The following NOTCH2NLR variants were observed in gnomAD, a reference collection of about 807,000 sequenced individuals.
NOTCH2NLR encodes the protein notch 2 N-terminal like R.
Under a neutral mutation model 35.6 loss-of-function variants are expected in NOTCH2NLR, and 33 were observed. The ratio of observed to expected loss-of-function variants is 0.93; its 90% confidence interval spans 0.70 to 1.24. The LOEUF is 1.24. Ranked by LOEUF, NOTCH2NLR falls within the 50% of genes most tolerant of loss-of-function variation. NOTCH2NLR has a pLI of 0.00. For synonymous variants in NOTCH2NLR, 103 were observed against 141.0 expected, an observed-to-expected ratio of 0.73 and a Z score of 1.91; for missense variants, 276 against 362.2, an observed-to-expected ratio of 0.76 and a Z score of 1.93.
At position 120,770,231 on chromosome 1, in the gene NOTCH2NLR, G is replaced by A. The variant is rs1452639344; in HGVS notation, c.155+6522G>A. Among the ~76,000 whole-genome samples, 17 of 102,402 alleles carry A rather than the reference G, an allele frequency of 1.7e-4. 3 individuals are homozygous for A. The highest frequency in any genetic ancestry group is 2.9e-4 in the South Asian group (1 of 3,440). 67.2% of individuals were successfully genotyped at this position (102,402 alleles called of 152,430 possible). Reference sequence around the variant, plus strand: ...GTGGCCCAGGCTGGAGTGCAGTGGCGCTTTCTTGGCTCACTGCAAGCTCCG... The same window carrying A: ...GTGGCCCAGGCTGGAGTGCAGTGGCACTTTCTTGGCTCACTGCAAGCTCCG... On this transcript the variant is annotated intron_variant, in intron 2 of 4. Coordinates refer to ENST00000624419, the Ensembl canonical transcript of NOTCH2NLR.
At chr1:120,763,584 T>C in intron 1 of NOTCH2NLR, 44 bp from the exon 2 acceptor site, 2 of 844,908 alleles carry the variant, frequency 2.4e-6, no homozygotes, top group Non-Finnish European at 3.6e-6. Context: ...CTGAGGGTTA[T>C]GATTAGTGAC....
chr1:120,784,703 A>G (rs1651402081), intron 2 of NOTCH2NLR, among the ~76,000 whole-genome samples: 2 of 116,840 alleles, frequency 1.7e-5, no homozygotes, highest in African/African-American at 1.0e-4. Flanking sequence ...TGCATCTTTT[A>G]CTTAGTAATT....
chr1:120,790,807 C>T (rs1651484895), intron 3 of NOTCH2NLR, among the ~76,000 whole-genome samples: 1 of 104,334 alleles, frequency 9.6e-6, no homozygotes, highest in African/African-American at 6.3e-5. Context: ...ACCATGTTGG[C>T]CAGGCTGGTC....
Position 120,724,097 on chromosome 1 carries a change from A to G in NOTCH2NLR, c.-81A>G, listed in dbSNP as rs1650785087. On this transcript the variant is annotated 5_prime_UTR_variant, in exon 1 of 5. Transcript: ENST00000624419. ...GGGGAGGAGAGAGTGGGGCTCCTCT[A>G]TCGGGACCCCCTCCCCATGTGGATC... The G allele has an allele frequency of 1.3e-5, 17 of 1,324,160 alleles. 2 individuals carry two copies. Among genetic ancestry groups the G allele is most frequent in the African/African-American group, 9.2e-5 (3 of 32,442 alleles). The allele number at this position is 1,324,160 out of a possible 1,614,324, so 82.0% of individuals were successfully genotyped here. A position where few individuals can be genotyped will look rare whatever the true frequency, so the allele number is the denominator to read the frequency against.
At chr1:120,768,584 T>G (rs1414615473) in intron 2 of NOTCH2NLR, among the ~76,000 whole-genome samples, 1 of 109,328 alleles carries the variant, frequency 9.1e-6, no homozygotes, top group Non-Finnish European at 1.7e-5. Context: ...TTCTGCTGCA[T>G]GAACTGGGGT....
Position 120,745,221 on chromosome 1 carries a change from A to C in NOTCH2NLR, c.74-18407A>C, listed in dbSNP as rs1294056454. 1.5e-4 allele frequency among the ~76,000 whole-genome samples: 17 copies of C among 111,200 alleles called. 2 individuals are homozygous for C. Among genetic ancestry groups the C allele is most frequent in the African/African-American group, 2.1e-4 (4 of 18,636 alleles). 73.0% of individuals were successfully genotyped at this position (111,200 alleles called of 152,430 possible). On this transcript the variant is annotated intron_variant, in intron 1 of 4. Transcript: ENST00000624419. ...GCACGCTTTAGTCCATGGTTTTTTA[A>C]ACTGCAGATCATGACCACGAATGGG...
At chr1:120,768,591 G>T (rs1183043689) in intron 2 of NOTCH2NLR, among the ~76,000 whole-genome samples, 2 of 109,442 alleles carry the variant, frequency 1.8e-5, no homozygotes, top group Non-Finnish European at 3.4e-5. Context: ...GCATGAACTG[G>T]GGTGTACCTT....
rs1651210543 is a variant in NOTCH2NLR at position 120,767,833 on chromosome 1, G to T, written c.155+4124G>T. 1.8e-5 allele frequency among the ~76,000 whole-genome samples: 2 copies of T among 110,670 alleles called. 1 individual carries two copies. Among genetic ancestry groups the T allele is most frequent in the African/African-American group, 1.1e-4 (2 of 18,168 alleles). The allele number at this position is 110,670 out of a possible 152,430, so 72.6% of individuals were successfully genotyped here. ...CACTAGGATTCTGGGGGTAGGTTAG[G>T]TTATGATTTGTATAATTGACAAAAT... On this transcript the variant is annotated intron_variant, in intron 2 of 4. Transcript: ENST00000624419.
At chr1:120,767,084 C>CT (rs1651202925) in intron 2 of NOTCH2NLR, among the ~76,000 whole-genome samples, 1 of 84,108 alleles carries the variant, frequency 1.2e-5, no homozygotes, top group South Asian at 3.7e-4. Context: ...CCAACCTTAC[C>CT]TTTTTTTCTG....
chr1:120,792,778 G>A (rs1651507269), intron 3 of NOTCH2NLR, among the ~76,000 whole-genome samples: 1 of 101,552 alleles, frequency 9.8e-6, no homozygotes, highest in South Asian at 2.8e-4. Flanking sequence ...GGAATTACAG[G>A]TGTGAGCCAC....
At chr1:120,729,733 G>T (rs1650856015) in intron 1 of NOTCH2NLR, among the ~76,000 whole-genome samples, 1 of 117,054 alleles carries the variant, frequency 8.5e-6, no homozygotes, top group Non-Finnish European at 1.6e-5. Context: ...GATAAGAATA[G>T]CTCAGGTGTT....
At position 120,745,157 on chromosome 1, in the gene NOTCH2NLR, G is replaced by A. The variant is rs1425043781; in HGVS notation, c.74-18471G>A. The stretch of plus-strand genomic sequence containing the variant: ...AACAAAAAAAAAACAAAAAAAAGTG[G>A]TATTGGGCCTGTCTAATTGCAAAGC... On this transcript the variant is annotated intron_variant, in intron 1 of 4. Coordinates refer to ENST00000624419, the Ensembl canonical transcript of NOTCH2NLR. 1.9e-5 allele frequency among the ~76,000 whole-genome samples: 2 copies of A among 105,306 alleles called. 1 individual carries two copies. The highest frequency in any genetic ancestry group is 1.2e-4 in the African/African-American group (2 of 16,948). The allele number at this position is 105,306 out of a possible 152,430, so 69.1% of individuals were successfully genotyped here.
chr1:120,770,404 C>T (rs1651249670), intron 2 of NOTCH2NLR, among the ~76,000 whole-genome samples: 2 of 111,452 alleles, frequency 1.8e-5, no homozygotes, highest in African/African-American at 1.2e-4. Context: ...CTCCTGACCT[C>T]ATGATCTGCC....
chr1:120,727,441 C>T lies in NOTCH2NLR; in HGVS notation c.73+3191C>T, dbSNP rs1207346739. ...ACATAAGAGATATAGAATATAATGT[C>T]ATTTCTTCTGTTTATCTGGGTGCAG... is the stretch of plus-strand genomic sequence containing the variant. On this transcript the variant is annotated intron_variant, in intron 1 of 4. Transcript: ENST00000624419. Among the ~76,000 whole-genome samples the T allele has an allele frequency of 1.2e-4, 14 of 114,752 alleles. 4 individuals are homozygous for T. The highest frequency in any genetic ancestry group is 7.7e-4 in the South Asian group (3 of 3,916). 75.3% of individuals were successfully genotyped at this position (114,752 alleles called of 152,430 possible).
rs1235696760 is a variant in NOTCH2NLR, at chr1:120,756,694, C to T, written c.74-6934C>T. ...TAGAGATTCCTAAAACAAAGGGAGGCTTTTAAGCCAGTGATATGTAGCTGG... is the reference window on the plus strand; with the variant it reads ...TAGAGATTCCTAAAACAAAGGGAGGTTTTTAAGCCAGTGATATGTAGCTGG... On this transcript the variant is annotated intron_variant, in intron 1 of 4. Coordinates refer to ENST00000624419, the Ensembl canonical transcript of NOTCH2NLR. Among the ~76,000 whole-genome samples, 2 of 116,900 alleles carry T rather than the reference C, an allele frequency of 1.7e-5. 1 individual carries two copies. Among genetic ancestry groups the T allele is most frequent in the Non-Finnish European group, 3.3e-5 (2 of 61,090 alleles). 76.7% of individuals were successfully genotyped at this position (116,900 alleles called of 152,430 possible). A position where few individuals can be genotyped will look rare whatever the true frequency, so the allele number is the denominator to read the frequency against.
At chr1:120,752,552 ATATTTTTTTT>A (rs1651032380) in intron 1 of NOTCH2NLR, among the ~76,000 whole-genome samples, 1 of 8,976 alleles carries the variant, frequency 1.1e-4, no homozygotes, top group Non-Finnish European at 1.7e-4. Flanking sequence ...ATATATATAT[ATATTTTTTTT>A]TTTTTTTTTT....
chr1:120,768,521 T>G (rs1651219959), intron 2 of NOTCH2NLR, among the ~76,000 whole-genome samples: 1 of 108,376 alleles, frequency 9.2e-6, no homozygotes, highest in Non-Finnish European at 1.7e-5. Flanking sequence ...TCCAGATACC[T>G]CTGACTCCTC....
At chr1:120,760,397 AC>A (rs1483618805) in intron 1 of NOTCH2NLR, among the ~76,000 whole-genome samples, 1 of 124,820 alleles carries the variant, frequency 8.0e-6, no homozygotes, top group Non-Finnish European at 1.6e-5. Flanking sequence ...CTGGTCTTGA[AC>A]TCCTGACCTC....
At chr1:120,785,080 G>T in exon 3 of NOTCH2NLR, 1 of 1,446,216 alleles carries the variant, frequency 6.9e-7, no homozygotes. Flanking sequence ...GCTGGGGAAA[G>T]CCACGTGCCG....
Sources: gnomAD v4.1 joint callset for allele counts (sites outside exome capture counted in the v4.1 genomes callset) on GRCh38, gnomAD v4.1.1 for gene constraint, MANE v1.5 for transcripts, NCBI Gene and HGNC (gene_info 2026-07-23, HGNC 2026-07-21) for gene names.